GPC5: variants seen among roughly 807,000 people sequenced by gnomAD.
GPC5 encodes glypican 5, also known as glypican-5.
GPC5 carries 47 observed loss-of-function variants against 53.9 expected under a neutral mutation model. The ratio of observed to expected loss-of-function variants is 0.87; its 90% CI spans 0.69 to 1.11. The LOEUF (loss-of-function observed/expected upper bound fraction) is 1.11, where lower values mean the gene tolerates loss of function less well. Ranked by LOEUF, GPC5 falls within the 50% of genes most tolerant of loss-of-function variation. The pLI is 0.00. For missense variants in GPC5, 748 were observed against 713.1 expected, an observed-to-expected ratio of 1.05 and a Z score of -0.56; for synonymous variants, 286 against 263.3, an observed-to-expected ratio of 1.09 and a Z score of -0.84.
intron 7 of GPC5, among the ~76,000 whole-genome samples, chr13:92,160,789 G>A (rs2041982010): frequency 6.6e-6 from 1 of 152,104 alleles, no homozygotes; most frequent in Non-Finnish European, 1.5e-5. Flanking sequence ...ATAATAAAAA[G>A]CAAATGGGAC....
chr13:91,498,311 T>G (rs1884411431), intron 2 of GPC5, among the ~76,000 whole-genome samples: 1 of 150,958 alleles, frequency 6.6e-6, no homozygotes, highest in African/African-American at 2.4e-5. Flanking sequence ...AATTTATTGC[T>G]TTACTTTTTG....
chr13:92,126,752 C>T (rs1196286339), intron 6 of GPC5, among the ~76,000 whole-genome samples: 3 of 151,926 alleles, frequency 2.0e-5, no homozygotes, highest in African/African-American at 7.3e-5. Context: ...CTCATTAAAA[C>T]ATGTAGGGTG....
chr13:92,525,788 G>A (rs1399871067), intron 7 of GPC5, among the ~76,000 whole-genome samples: 2 of 151,984 alleles, frequency 1.3e-5, no homozygotes, highest in South Asian at 2.1e-4. Context: ...TTATCCATGA[G>A]AGCTAATCCT....
intron 5 of GPC5, among the ~76,000 whole-genome samples, chr13:91,807,803 G>C (rs2038245897): frequency 6.6e-6 from 1 of 152,090 alleles, no homozygotes; most frequent in Non-Finnish European, 1.5e-5. Context: ...TTTTCCAACA[G>C]TTCTTTTGAG....
At chr13:91,451,487 C>T (rs975926846) in intron 2 of GPC5, among the ~76,000 whole-genome samples, 6 of 152,088 alleles carry the variant, frequency 3.9e-5, no homozygotes, top group African/African-American at 1.4e-4. Flanking sequence ...GAGAGGAAGC[C>T]ATGCTGACAG....
In GPC5 at chr13:92,314,600, T is replaced by C. The variant is rs73629661; in HGVS notation, c.1561+169611T>C. Among the ~76,000 whole-genome samples, 188 of 152,320 alleles carry C rather than the reference T, an allele frequency of 1.2e-3. 1 individual carries two copies. Among genetic ancestry groups the C allele is most frequent in the African/African-American group, 4.4e-3 (183 of 41,570 alleles). ...AATGGAAAAAGGCCAATTCCAGTCA[T>C]GTTGTGGGACAGAATGTGTTTCTAT... is the stretch of plus-strand genomic sequence containing the variant. On this transcript the variant is annotated intron_variant, in intron 7 of 7. Coordinates refer to ENST00000377067, the MANE Select transcript of GPC5 (RefSeq NM_004466.6).
At chr13:92,832,643 T>A (rs1207146022) in intron 7 of GPC5, among the ~76,000 whole-genome samples, 2 of 152,124 alleles carry the variant, frequency 1.3e-5, no homozygotes, top group African/African-American at 2.4e-5. Flanking sequence ...ACCCCTTGAC[T>A]CCCTTACCTC....
At chr13:92,078,104 T>C (rs182314249) in intron 6 of GPC5, among the ~76,000 whole-genome samples, 177 of 152,066 alleles carry the variant, frequency 1.2e-3, no homozygotes, top group Non-Finnish European at 1.9e-3. Flanking sequence ...GAGAGACAAG[T>C]GAGATACCAA....
At chr13:91,633,314 T>G (rs1223272405) in intron 2 of GPC5, among the ~76,000 whole-genome samples, 2 of 152,146 alleles carry the variant, frequency 1.3e-5, no homozygotes, top group Non-Finnish European at 2.9e-5. Flanking sequence ...GCTGAGAATC[T>G]ATTCCTTATT....
At chr13:92,190,558 T>G (rs112997207) in intron 7 of GPC5, among the ~76,000 whole-genome samples, 2,906 of 152,282 alleles carry the variant, frequency 0.019, 79 homozygotes, top group African/African-American at 0.065. Flanking sequence ...AAACGAATGA[T>G]AATGATACAA....
At chr13:92,614,549 G>T (rs1188134737) in intron 7 of GPC5, among the ~76,000 whole-genome samples, 1 of 152,148 alleles carries the variant, frequency 6.6e-6, no homozygotes, top group African/African-American at 2.4e-5. Flanking sequence ...GACATTTCAG[G>T]TCACTTGGCA....
intron 7 of GPC5, among the ~76,000 whole-genome samples, chr13:92,522,243 T>C (rs1881085308): frequency 6.6e-6 from 1 of 152,120 alleles, no homozygotes; most frequent in South Asian, 2.1e-4. Flanking sequence ...AGAAATACCA[T>C]TTGACCCAGC....
At chr13:91,955,481 A>G (rs951457723) in intron 6 of GPC5, among the ~76,000 whole-genome samples, 1 of 152,196 alleles carries the variant, frequency 6.6e-6, no homozygotes, top group African/African-American at 2.4e-5. Flanking sequence ...AAACAGAGAA[A>G]TGACAGGAAA....
Position 92,083,629 on chromosome 13 carries a change from A to C in GPC5, c.1402-61201A>C, listed in dbSNP as rs115692746. Among the ~76,000 whole-genome samples, 883 of 152,208 alleles carry C rather than the reference A, an allele frequency of 5.8e-3. 7 individuals carry two copies. The highest frequency in any genetic ancestry group is 0.024 in the Middle Eastern group (7 of 294). The stretch of plus-strand genomic sequence containing the variant: ...GTTTTTATTACCAAAATACAAATAG[A>C]CTCTTGAGGTATTTTTACATCATGT... On this transcript the variant is annotated intron_variant, in intron 6 of 7. Transcript: ENST00000377067.
chr13:92,558,293 C>A (rs1318173510), intron 7 of GPC5, among the ~76,000 whole-genome samples: 1 of 151,980 alleles, frequency 6.6e-6, no homozygotes, highest in Non-Finnish European at 1.5e-5. Context: ...CAATGATTAT[C>A]TCAATGTTCT....
At chr13:91,847,789 T>C (rs2038868835) in intron 5 of GPC5, among the ~76,000 whole-genome samples, 1 of 152,218 alleles carries the variant, frequency 6.6e-6, no homozygotes, top group Non-Finnish European at 1.5e-5. Flanking sequence ...TGAGATTAGT[T>C]TCTAAAGTTA....
At chr13:92,408,466 T>C (rs1875889664) in intron 7 of GPC5, among the ~76,000 whole-genome samples, 1 of 152,112 alleles carries the variant, frequency 6.6e-6, no homozygotes, top group Non-Finnish European at 1.5e-5. Context: ...ATGAGAAGTT[T>C]ATTAGCATTA....
chr13:92,381,900 C>CATAT (rs1594150529), intron 7 of GPC5, among the ~76,000 whole-genome samples: 4 of 111,590 alleles, frequency 3.6e-5, no homozygotes, highest in African/African-American at 1.5e-4. Flanking sequence ...TATATATAAT[C>CATAT]ATATATATGA....
At chr13:91,923,805 A>C (rs2039740733) in intron 6 of GPC5, among the ~76,000 whole-genome samples, 2 of 152,132 alleles carry the variant, frequency 1.3e-5, no homozygotes, top group African/African-American at 4.8e-5. Flanking sequence ...CAGATGGTAA[A>C]ATCTAATTCA....
Sources: gnomAD v4.1 joint callset for allele counts (sites outside exome capture counted in the v4.1 genomes callset) on GRCh38, gnomAD v4.1.1 for gene constraint, MANE v1.5 for transcripts, NCBI Gene and HGNC (gene_info 2026-07-23, HGNC 2026-07-21) for gene names.